SRGAP1: variants seen among roughly 807,000 people sequenced by gnomAD.
SRGAP1 encodes the protein SLIT-ROBO Rho GTPase activating protein 1.
SRGAP1 carries 43 observed loss-of-function variants against 121.9 expected under a neutral mutation model. The ratio of observed to expected loss-of-function variants is 0.35; its 90% CI spans 0.28 to 0.46. SRGAP1 has a LOEUF of 0.46. SRGAP1 is among the 20% of genes least tolerant of loss of function. SRGAP1 has a pLI of 1.00. For missense variants in SRGAP1, 1,102 were observed against 1,350.9 expected (o/e 0.82, Z 2.89); for synonymous variants, 447 against 485.4 (o/e 0.92, Z 1.04).
chr12:63,950,007 T>C (rs1482842083), intron 1 of SRGAP1, among the ~76,000 whole-genome samples: 1 of 152,208 alleles, frequency 6.6e-6, no homozygotes, highest in African/African-American at 2.4e-5. Context: ...CAGCCTCTGT[T>C]TTCCACCAAA....
intron 4 of SRGAP1, among the ~76,000 whole-genome samples, chr12:64,030,006 A>G (rs1050071028): frequency 2.6e-5 from 4 of 152,190 alleles, no homozygotes; most frequent in African/African-American, 7.2e-5. Context: ...ACCCCACTAC[A>G]ATGAGTACTT....
intron 1 of SRGAP1, among the ~76,000 whole-genome samples, chr12:63,942,887 T>A (rs1010390344): frequency 9.2e-5 from 14 of 152,338 alleles, no homozygotes; most frequent in African/African-American, 2.9e-4. Context: ...ATAGGTTTTT[T>A]AAAAATAAAT....
rs1346342893 is a variant in SRGAP1, at chr12:64,142,758, T to A, written c.*86T>A. ...AAAGTCACTGATCCATAACTTTCCT[T>A]AGTTTTGTGCTTATAACTGGAGATC... On this transcript the variant is annotated 3_prime_UTR_variant, in exon 22 of 22. Transcript: ENST00000355086. The A allele has an allele frequency of 3.3e-6, 5 of 1,511,876 alleles. No homozygotes were observed. Among genetic ancestry groups the A allele is most frequent in the Non-Finnish European group, 4.4e-6 (5 of 1,127,950 alleles). 93.7% of individuals were successfully genotyped at this position (1,511,876 alleles called of 1,614,324 possible). A position where few individuals can be genotyped will look rare whatever the true frequency, so the allele number is the denominator to read the frequency against.
rs568018422 is a variant in SRGAP1 at position 63,897,221 on chromosome 12, C to T, written c.67+52338C>T. ...AAATAAAAGATCTTATCATCTGACA[C>T]CTATTGCCAGAACATATGTGCTATT... On this transcript the variant is annotated intron_variant, in intron 1 of 21. Transcript: ENST00000355086. Among the ~76,000 whole-genome samples the T allele has an allele frequency of 6.6e-4, 101 of 152,228 alleles. No homozygotes were observed. The Middle Eastern group carries it at 0.017, about 26-fold the overall frequency.
intron 1 of SRGAP1, among the ~76,000 whole-genome samples, chr12:63,927,248 C>T (rs970533077): frequency 6.6e-6 from 1 of 152,182 alleles, no homozygotes; most frequent in Admixed American, 6.5e-5. Context: ...AGAACTTGCG[C>T]TTTGTAAGCA....
chr12:63,950,986 C>A (rs1407371744), intron 1 of SRGAP1, among the ~76,000 whole-genome samples: 1 of 147,006 alleles, frequency 6.8e-6, no homozygotes, highest in African/African-American at 2.6e-5. Flanking sequence ...TATTATATGA[C>A]AATTGTCTGA....
chr12:64,122,669 G>T (rs181280858), intron 18 of SRGAP1, among the ~76,000 whole-genome samples: 1 of 152,282 alleles, frequency 6.6e-6, no homozygotes, highest in Non-Finnish European at 1.5e-5. Context: ...GGAGGCCGAG[G>T]TGGACGGATC....
At chr12:64,140,086 G>T (rs1592357902) in intron 21 of SRGAP1, among the ~76,000 whole-genome samples, 1 of 148,540 alleles carries the variant, frequency 6.7e-6, no homozygotes, top group Admixed American at 6.7e-5. Flanking sequence ...GCTCTGTTCT[G>T]TTCCATTGAT....
chr12:63,890,110 G>A lies in SRGAP1; in HGVS notation c.67+45227G>A, dbSNP rs910927034. ...TCTTGACTTTGCAGGTACTTCTGGT[G>A]TAATCCAGGCCCTGATACCTGGCCC... On this transcript the variant is annotated intron_variant, in intron 1 of 21. Transcript: ENST00000355086. 4.6e-5 allele frequency among the ~76,000 whole-genome samples: 7 copies of A among 152,116 alleles called. 1 individual carries two copies. The East Asian group carries it at 9.6e-4, about 21-fold the overall frequency.
At chr12:63,917,144 G>T (rs2030814614) in intron 1 of SRGAP1, among the ~76,000 whole-genome samples, 1 of 152,118 alleles carries the variant, frequency 6.6e-6, no homozygotes, top group African/African-American at 2.4e-5. Context: ...CTATTTAATG[G>T]CAGTTATGCA....
chr12:64,142,637 C>A lies in SRGAP1; in HGVS notation c.3223C>A (p.Pro1075Thr), dbSNP rs755941243. Residue 1075 changes from proline to threonine, a missense_variant, in exon 22 of 22, where the codon CCC becomes ACC. By Grantham distance (38) the Pro-to-Thr change is conservative. Around this residue, in one of 3 missense-constraint regions of SRGAP1, gnomAD observed 315 missense variants for 343.1 expected, o/e 0.92. Coordinates refer to ENST00000355086, the MANE Select transcript of SRGAP1 (RefSeq NM_020762.4). ...TNPTIGPAPPPQGPTDKSCTM is the reference protein window; with the variant it reads ...TNPTIGPAPPTQGPTDKSCTM The stretch of plus-strand genomic sequence containing the variant: ...TCCTACCATAGGACCTGCCCCACCT[C>A]CCCAGGGTCCAACAGACAAGTCATG... 6 of 1,614,038 alleles carry A rather than the reference C, an allele frequency of 3.7e-6. No individual in the cohort carries two copies. In the Admixed American group the frequency reaches 8.3e-5, roughly 22 times the overall value.
At chr12:63,971,542 A>G (rs2032948263) in intron 1 of SRGAP1, among the ~76,000 whole-genome samples, 1 of 152,192 alleles carries the variant, frequency 6.6e-6, no homozygotes, top group Admixed American at 6.5e-5. Flanking sequence ...CTAGAAGTAT[A>G]CTTTTATTAT....
intron 4 of SRGAP1, among the ~76,000 whole-genome samples, chr12:64,030,734 C>T (rs930440232): frequency 1.2e-4 from 18 of 152,104 alleles, no homozygotes; most frequent in Admixed American, 9.8e-4. Context: ...GCTGATTGAT[C>T]GATAATCAGT....
At position 63,876,620 on chromosome 12, in the gene SRGAP1, A is replaced by G. The variant is rs1251037617; in HGVS notation, c.67+31737A>G. ...TGTTTCTACCATTTAACATTAGTCTATATCTTGTGGGAGAAGCATTGTTTG... is the reference window on the plus strand; with the variant it reads ...TGTTTCTACCATTTAACATTAGTCTGTATCTTGTGGGAGAAGCATTGTTTG... On this transcript the variant is annotated intron_variant, in intron 1 of 21. Coordinates refer to ENST00000355086, the MANE Select transcript of SRGAP1 (RefSeq NM_020762.4). Among the ~76,000 whole-genome samples, 6 of 152,210 alleles carry G rather than the reference A, an allele frequency of 3.9e-5. No homozygotes were observed. In the East Asian group the frequency reaches 1.2e-3, roughly 29 times the overall value.
chr12:64,065,745 T>C lies in SRGAP1; in HGVS notation c.1125+526T>C, dbSNP rs554957397. On this transcript the variant is annotated intron_variant, in intron 8 of 21. Coordinates refer to ENST00000355086, the MANE Select transcript of SRGAP1 (RefSeq NM_020762.4). ...TGCCATGTTAATTTAATCCTAACTT[T>C]TAAAATTCACTTCTTTTTTTCCTTA... Among the ~76,000 whole-genome samples the C allele has an allele frequency of 2.6e-5, 4 of 152,286 alleles. No individual in the cohort carries two copies. The South Asian group carries it at 6.2e-4, about 24-fold the overall frequency.
At position 64,160,181 on chromosome 12, in the gene SRGAP1, T is replaced by C. The variant is rs552146830; in HGVS notation, c.*17509T>C. 5.3e-5 allele frequency: 8 copies of C among 152,204 alleles called. No individual in the cohort carries two copies. The highest frequency in any genetic ancestry group is 8.8e-5 in the Non-Finnish European group (6 of 68,038). The allele number at this position is 152,204 out of a possible 1,614,324, so 9.4% of individuals were successfully genotyped here. ...TGCATAGCTGAGAGCCTAAGATCTC[T>C]GGGGACTCACTCCACTTTTCTCTTG... On this transcript the variant is annotated 3_prime_UTR_variant, in exon 22 of 22. Coordinates refer to ENST00000355086, the MANE Select transcript of SRGAP1 (RefSeq NM_020762.4).
intron 1 of SRGAP1, among the ~76,000 whole-genome samples, chr12:63,913,103 C>A (rs1177124072): frequency 1.3e-5 from 2 of 149,394 alleles, no homozygotes; most frequent in East Asian, 4.0e-4. Context: ...CATAGAAATT[C>A]TTGCTTTTCC....
intron 1 of SRGAP1, among the ~76,000 whole-genome samples, chr12:63,883,463 T>C (rs574496267): frequency 6.6e-6 from 1 of 152,194 alleles, no homozygotes; most frequent in Non-Finnish European, 1.5e-5. Context: ...CTTGTTGTTA[T>C]GACCAAACGC....
At chr12:63,877,920 C>T (rs1900080321) in intron 1 of SRGAP1, among the ~76,000 whole-genome samples, 1 of 152,248 alleles carries the variant, frequency 6.6e-6, no homozygotes, top group Non-Finnish European at 1.5e-5. Flanking sequence ...ATGATGATTG[C>T]ACACACTGCT....
Sources: gnomAD v4.1 joint callset for allele counts (sites outside exome capture counted in the v4.1 genomes callset) on GRCh38, gnomAD v4.1.1 for gene constraint, gnomAD v4.1.1 regional missense constraint, MANE v1.5 for transcripts, NCBI Gene and HGNC (gene_info 2026-07-23, HGNC 2026-07-21) for gene names.